Variants in RRP9 observed in about 807,000 individuals in gnomAD.
RRP9 encodes ribosomal RNA processing 9, U3 small nucleolar RNA binding protein, also known as U3 small nucleolar RNA-interacting protein 2.
In RRP9, 35 loss-of-function variants were observed where a neutral mutation model predicts 65.5. The observed-to-expected ratio is 0.53, with a 90% CI of 0.41 to 0.71. The LOEUF (loss-of-function observed/expected upper bound fraction) is 0.71, where lower values mean the gene tolerates loss of function less well. Ranked by LOEUF, RRP9 falls within the 30% of genes least tolerant of loss-of-function variation. The pLI is 0.00. For missense variants in RRP9, 533 were observed against 633.6 expected (o/e 0.84, Z 1.70); for synonymous variants, 254 against 245.0 (o/e 1.04, Z -0.34).
intron 8 of RRP9, 34 bp from the exon 9 acceptor site, chr3:51,935,726 T>G: frequency 6.4e-7 from 1 of 1,554,766 alleles, no homozygotes; most frequent in Non-Finnish European, 8.9e-7. Context: ...AAAGGGGACC[T>G]GGACTACAGC....
Position 51,933,574 on chromosome 3 carries a change from C to CT in RRP9, c.1359dup (p.Glu454ArgfsTer43). ...ATGATGCAGACAGAATTCCGAGCCT[C>CT]TTTGATTCTCCACCATCGGCCAAGC... On this transcript the variant is annotated frameshift_variant, in exon 15 of 15. Transcript: ENST00000232888. LOFTEE classifies it high-confidence loss of function. 2.5e-6 allele frequency: 4 copies of CT among 1,614,114 alleles called. No homozygotes were observed. The highest frequency in any genetic ancestry group is 3.4e-6 in the Non-Finnish European group (4 of 1,180,000).
At chr3:51,939,639 C>T (rs1366610494) in intron 2 of RRP9, among the ~76,000 whole-genome samples, 1 of 152,134 alleles carries the variant, frequency 6.6e-6, no homozygotes, top group African/African-American at 2.4e-5. Context: ...TTAAAAAGGG[C>T]ATGTTACTAT....
At chr3:51,940,724 G>A (rs1435696326) in intron 2 of RRP9, among the ~76,000 whole-genome samples, 3 of 151,956 alleles carry the variant, frequency 2.0e-5, no homozygotes, top group African/African-American at 7.3e-5. Flanking sequence ...TGTTGCCCAG[G>A]CTGGTCTCAA....
At chr3:51,938,942 G>A (rs1252233758) in intron 2 of RRP9, among the ~76,000 whole-genome samples, 3 of 152,180 alleles carry the variant, frequency 2.0e-5, no homozygotes, top group Admixed American at 6.5e-5. Flanking sequence ...TTGGGGATTG[G>A]CCTTTACTGG....
intron 2 of RRP9, among the ~76,000 whole-genome samples, chr3:51,940,420 T>G (rs1193880102): frequency 6.6e-6 from 1 of 152,116 alleles, no homozygotes; most frequent in Non-Finnish European, 1.5e-5. Context: ...CCTGACCCTT[T>G]GAAAACCTGC....
rs139357193 is a variant in RRP9 at position 51,937,982 on chromosome 3, C to A, written c.280+113G>T. The stretch of plus-strand genomic sequence containing the variant: ...GGGCAGCCAGCACTGACAGCCTGGG[C>A]ACCCACTGGGAATCCATGTCAGTCA... On this transcript the variant is annotated intron_variant, in intron 3 of 14. Coordinates refer to ENST00000232888, the MANE Select transcript of RRP9 (RefSeq NM_004704.5). The surrounding 1 kb of genome is among the most constrained non-coding windows in gnomAD (Gnocchi z 5.0). 16,999 of 1,040,584 alleles carry A rather than the reference C, an allele frequency of 0.016. 194 individuals carry two copies. Among genetic ancestry groups the A allele is most frequent in the South Asian group, 0.023 (1,485 of 65,170 alleles). 64.5% of individuals were successfully genotyped at this position (1,040,584 alleles called of 1,614,324 possible). A position where few individuals can be genotyped will look rare whatever the true frequency, so the allele number is the denominator to read the frequency against.
rs1199556715 is a variant in RRP9, at chr3:51,941,858, T to G, written c.10A>C (p.Thr4Pro). MSA[T>P]AAARKRGKPA... ...TTTCCCCGCTTACGAGCAGCCGCTGTTGCCGACATGCTGCCCACCAGGCGT... is the reference window on the plus strand; with the variant it reads ...TTTCCCCGCTTACGAGCAGCCGCTGGTGCCGACATGCTGCCCACCAGGCGT... The change falls in exon 1 of 15, where the codon ACA becomes CCA. Residue 4 changes from threonine (T) to proline (P), a missense_variant. Thr to Pro is a conservative substitution (Grantham distance 38). This residue lies in a region of RRP9 where 77 missense variants were observed against 60.5 expected (regional missense o/e 1.27). Transcript: ENST00000232888. 14 of 1,581,780 alleles carry G rather than the reference T, an allele frequency of 8.9e-6. No individual in the cohort carries two copies. Among genetic ancestry groups the G allele is most frequent in the Admixed American group, 1.7e-5 (1 of 58,856 alleles).
chr3:51,938,235 G>T (rs568938677), intron 2 of RRP9, 31 bp from the exon 3 acceptor site: 2 of 1,489,732 alleles, frequency 1.3e-6, no homozygotes, highest in South Asian at 1.2e-5. Flanking sequence ...GGTCTGAGGG[G>T]CTCACCTTGT....
chr3:51,935,804 G>A (rs145226869), intron 8 of RRP9, 112 bp from the exon 9 acceptor site: 12 of 816,050 alleles, frequency 1.5e-5, no homozygotes, highest in Non-Finnish European at 2.1e-5. Context: ...GTGCTGTGAG[G>A]CAATTTTGTA....
intron 13 of RRP9, 40 bp from the exon 14 acceptor site, chr3:51,933,821 C>A (rs751013706): frequency 6.4e-7 from 1 of 1,574,632 alleles, no homozygotes; most frequent in African/African-American, 1.3e-5. Flanking sequence ...TAGAACGCCC[C>A]CCGCCACCAC....
chr3:51,933,817 G>A (rs114757525), intron 13 of RRP9, 36 bp from the exon 14 acceptor site: 24,763 of 1,591,814 alleles, frequency 0.016, 474 homozygotes, highest in East Asian at 0.067. Context: ...ACATTAGAAC[G>A]CCCCCCGCCA....
chr3:51,936,519 G>A lies in RRP9; in HGVS notation c.554C>T (p.Pro185Leu), dbSNP rs146452464. The A allele has an allele frequency of 1.5e-4, 244 of 1,614,186 alleles. No individual in the cohort carries two copies. In the African/African-American group the frequency reaches 2.9e-3, roughly 19 times the overall value. ...TCCCTCGGCACCCTTCTTGGCTCGA[G>A]GAATCACATGCAGCTTCCGTCCACT... ...VESGRKLHVI[P>L]RAKKGAEGKP... is the part of the protein sequence containing the mutation. Residue 185 changes from proline (P) to leucine (L), a missense_variant, in exon 7 of 15, where the codon CCT becomes CTT. Physicochemically the swap from Pro to Leu is moderately conservative, Grantham distance 98. Transcript: ENST00000232888.
intron 8 of RRP9, 25 bp from the exon 9 acceptor site, chr3:51,935,717 A>AT: frequency 6.3e-7 from 1 of 1,584,810 alleles, no homozygotes; most frequent in Non-Finnish European, 8.7e-7. Flanking sequence ...GGAGAGGGCA[A>AT]AGGGGACCTG....
At chr3:51,940,667 A>G (rs1009937744) in intron 2 of RRP9, among the ~76,000 whole-genome samples, 3 of 151,574 alleles carry the variant, frequency 2.0e-5, no homozygotes, top group African/African-American at 7.3e-5. Flanking sequence ...GGTGCACACC[A>G]CCATACCCAG....
chr3:51,941,062 G>A (rs1699517514), intron 2 of RRP9, among the ~76,000 whole-genome samples: 2 of 152,216 alleles, frequency 1.3e-5, no homozygotes, highest in African/African-American at 2.4e-5. Flanking sequence ...GTTAAGAGAC[G>A]GGGAGCCCAG....
intron 3 of RRP9, 35 bp downstream of exon 3, chr3:51,938,060 A>G: frequency 6.6e-7 from 1 of 1,516,074 alleles, no homozygotes; most frequent in Non-Finnish European, 8.9e-7. Context: ...CACAGGCAGA[A>G]GCCCTGCCCA....
In RRP9 at chr3:51,937,363, C is replaced by G. The variant is rs1278078344; in HGVS notation, c.391-45G>C. On this transcript the variant is annotated intron_variant, in intron 5 of 14. Coordinates refer to ENST00000232888, the MANE Select transcript of RRP9 (RefSeq NM_004704.5). The surrounding 1 kb of genome is among the most constrained non-coding windows in gnomAD (Gnocchi z 5.0). Reference sequence around the variant, plus strand: ...GTCACTGTGGCTAGTGGCATAAAGGCACTACCTTCACCAACCCCACTGCGT... The same window carrying G: ...GTCACTGTGGCTAGTGGCATAAAGGGACTACCTTCACCAACCCCACTGCGT... 6.2e-7 allele frequency: 1 copy of G among 1,612,728 alleles called. No homozygotes were observed. Among genetic ancestry groups the G allele is most frequent in the Non-Finnish European group, 8.5e-7 (1 of 1,179,458 alleles).
chr3:51,935,102 C>A, intron 11 of RRP9, 95 bp downstream of exon 11: 1 of 1,343,752 alleles, frequency 7.4e-7, no homozygotes, highest in Non-Finnish European at 1.1e-6. Flanking sequence ...AACAGCTCCC[C>A]CACTGGGGGT....
At chr3:51,941,113 T>C (rs1243184888) in intron 2 of RRP9, among the ~76,000 whole-genome samples, 1 of 152,228 alleles carries the variant, frequency 6.6e-6, no homozygotes, top group East Asian at 1.9e-4. Context: ...GGAAGAAGGA[T>C]GCAAGAAATA....
Sources: allele counts gnomAD v4.1 joint callset (sites outside exome capture counted in the v4.1 genomes callset), GRCh38; gene constraint gnomAD v4.1.1; regional missense constraint gnomAD v4.1.1; non-coding constraint Gnocchi (gnomAD v3.1); transcripts MANE v1.5; gene names NCBI Gene and HGNC (gene_info 2026-07-23, HGNC 2026-07-21).